Variants in MFSD6 observed in about 807,000 individuals in gnomAD.
MFSD6 encodes the protein major facilitator superfamily domain-containing protein 6.
A neutral mutation model predicts 56.3 loss-of-function variants in MFSD6; 26 were observed. The observed-to-expected ratio is 0.46, with a 90% confidence interval of 0.34 to 0.64. The LOEUF (loss-of-function observed/expected upper bound fraction) is 0.64, where lower values mean the gene tolerates loss of function less well. Among genes scored for constraint, MFSD6 ranks in the 30% least tolerant of loss-of-function variants. The pLI, the probability that MFSD6 is intolerant of heterozygous loss-of-function variation, is 0.01. For synonymous variants in MFSD6, 331 were observed against 366.9 expected (o/e 0.90, Z 1.12); for missense variants, 750 against 986.2 (o/e 0.76, Z 3.21).
At chr2:190,476,429 T>C (rs1688317177) in intron 4 of MFSD6, among the ~76,000 whole-genome samples, 1 of 152,236 alleles carries the variant, frequency 6.6e-6, no homozygotes, top group South Asian at 2.1e-4. Flanking sequence ...AAGACATTTA[T>C]GCAGCCAACA....
rs1300531169 is a variant in MFSD6 at position 190,457,837 on chromosome 2, C to T, written c.1533-11921C>T. On this transcript the variant is annotated intron_variant, in intron 3 of 7. Coordinates refer to ENST00000392328, the MANE Select transcript of MFSD6 (RefSeq NM_017694.4). This position sits in a 1 kb window ranked among gnomAD's most constrained non-coding sequence, Gnocchi z 5.1. ...CCCTGGATGCCACCACCTTGGCCAG[C>T]GTGCAGCATATGCCCCGCCATGCTG... 6.6e-6 allele frequency among the ~76,000 whole-genome samples: 1 copy of T among 152,162 alleles called. No homozygotes were observed. Among genetic ancestry groups the T allele is most frequent in the East Asian group, 1.9e-4 (1 of 5,198 alleles).
chr2:190,498,506 A>G lies in MFSD6; in HGVS notation c.2172+787A>G, dbSNP rs1346045196. Among the ~76,000 whole-genome samples the G allele has an allele frequency of 6.6e-6, 1 of 152,190 alleles. No individual in the cohort carries two copies. The highest frequency in any genetic ancestry group is 2.4e-5 in the African/African-American group (1 of 41,434). On this transcript the variant is annotated intron_variant, in intron 7 of 7. Coordinates refer to ENST00000392328, the MANE Select transcript of MFSD6 (RefSeq NM_017694.4). This position sits in a 1 kb window ranked among gnomAD's most constrained non-coding sequence, Gnocchi z 5.9. ...AGAAAATTTGTTGAACTGTTAATTA[A>G]TCTCACTTTGTAAGCTAACATAAAA...
rs1687235346 is a variant in MFSD6, at chr2:190,459,930, T to C, written c.1533-9828T>C. ...ACTCTCTGACATACAATGTGATTCT[T>C]ATGCTCTGTTCTACAAGGATGGGTC... is the stretch of plus-strand genomic sequence containing the variant. On this transcript the variant is annotated intron_variant, in intron 3 of 7. Transcript: ENST00000392328. This position sits in a 1 kb window ranked among gnomAD's most constrained non-coding sequence, Gnocchi z 5.3. Among the ~76,000 whole-genome samples, 1 of 152,360 alleles carries C rather than the reference T, an allele frequency of 6.6e-6. No homozygotes were observed. Among genetic ancestry groups the C allele is most frequent in the Non-Finnish European group, 1.5e-5 (1 of 68,022 alleles).
chr2:190,472,692 A>G (rs191943771), intron 4 of MFSD6, among the ~76,000 whole-genome samples: 3,951 of 152,298 alleles, frequency 0.026, 91 homozygotes, highest in Non-Finnish European at 0.035. Flanking sequence ...AACTTCCCCA[A>G]TCTAGCAAGG....
Position 190,489,944 on chromosome 2 carries a change from A to G in MFSD6, c.1891+78A>G. 1 of 1,267,582 alleles carries G rather than the reference A, an allele frequency of 7.9e-7. No homozygotes were observed. Among genetic ancestry groups the G allele is most frequent in the Non-Finnish European group, 1.1e-6 (1 of 902,670 alleles). The allele number at this position is 1,267,582 out of a possible 1,614,324, so 78.5% of individuals were successfully genotyped here. On this transcript the variant is annotated intron_variant, in intron 6 of 7. Coordinates refer to ENST00000392328, the MANE Select transcript of MFSD6 (RefSeq NM_017694.4). The surrounding 1 kb of genome is among the most constrained non-coding windows in gnomAD (Gnocchi z 6.6). ...TCAACAAATGCCCCGAGAAGCCTAG[A>G]AGTGGTACAGAGTATACAACAGGTC...
In MFSD6 at chr2:190,497,318, T is replaced by G. The variant is rs1689755249; in HGVS notation, c.1892-121T>G. On this transcript the variant is annotated intron_variant, in intron 6 of 7. Coordinates refer to ENST00000392328, the MANE Select transcript of MFSD6 (RefSeq NM_017694.4). The surrounding 1 kb of genome is among the most constrained non-coding windows in gnomAD (Gnocchi z 5.2). ...AAGTCATTGGTAACCAGCAATTTAT[T>G]AATATTATCAAGCACTCTGGAATGG... 9.2e-7 allele frequency: 1 copy of G among 1,082,662 alleles called. No individual in the cohort carries two copies. Among genetic ancestry groups the G allele is most frequent in the Non-Finnish European group, 1.3e-6 (1 of 765,452 alleles). 67.1% of individuals were successfully genotyped at this position (1,082,662 alleles called of 1,614,324 possible).
rs1187162377 is a variant in MFSD6 at position 190,423,340 on chromosome 2, A to G, written c.-54+7927A>G. 3.3e-5 allele frequency among the ~76,000 whole-genome samples: 5 copies of G among 152,162 alleles called. No homozygotes were observed. Among genetic ancestry groups the G allele is most frequent in the Non-Finnish European group, 5.9e-5 (4 of 68,040 alleles). ...CAATCACCTGTCTATCTCTATTTCAATGATGTTGTCATTTCAAGAATGTTA... is the reference window on the plus strand; with the variant it reads ...CAATCACCTGTCTATCTCTATTTCAGTGATGTTGTCATTTCAAGAATGTTA... On this transcript the variant is annotated intron_variant, in intron 2 of 7. Coordinates refer to ENST00000392328, the MANE Select transcript of MFSD6 (RefSeq NM_017694.4). The surrounding 1 kb of genome is among the most constrained non-coding windows in gnomAD (Gnocchi z 4.3).
intron 3 of MFSD6, among the ~76,000 whole-genome samples, chr2:190,452,272 CACA>C (rs900004548): frequency 1.5e-4 from 23 of 151,954 alleles, no homozygotes; most frequent in African/African-American, 1.9e-4. Flanking sequence ...ACAACAATAA[CACA>C]ACAACAACAA....
At chr2:190,477,153 A>T in intron 4 of MFSD6, 1 of 586,306 alleles carries the variant, frequency 1.7e-6, no homozygotes, top group Non-Finnish European at 2.1e-6. Flanking sequence ...ATGTATACAT[A>T]TGTAACAAAC....
chr2:190,417,992 GTGTGTGTGTA>G lies in MFSD6; in HGVS notation c.-54+2584_-54+2593del, dbSNP rs926405267. Among the ~76,000 whole-genome samples, 4 of 140,916 alleles carry G rather than the reference GTGTGTGTGTA, an allele frequency of 2.8e-5. No homozygotes were observed. The highest frequency in any genetic ancestry group is 5.3e-5 in the African/African-American group (2 of 38,094). The allele number at this position is 140,916 out of a possible 152,430, so 92.4% of individuals were successfully genotyped here. ...TGTGTGTGTGTGTGTGTGTGTGTGT[GTGTGTGTGTA>G]TGTGAGAGAGAGAGAGATGTGGTTT... On this transcript the variant is annotated intron_variant, in intron 2 of 7. Transcript: ENST00000392328. This position sits in a 1 kb window ranked among gnomAD's most constrained non-coding sequence, Gnocchi z 5.7.
intron 4 of MFSD6, among the ~76,000 whole-genome samples, chr2:190,480,418 T>C (rs1233397879): frequency 6.6e-6 from 1 of 152,220 alleles, no homozygotes; most frequent in Non-Finnish European, 1.5e-5. Flanking sequence ...TTTTGAATGA[T>C]ATAAGAAATT....
intron 4 of MFSD6, among the ~76,000 whole-genome samples, chr2:190,479,904 TA>T (rs1417924544): frequency 2.6e-5 from 4 of 152,214 alleles, no homozygotes; most frequent in Non-Finnish European, 4.4e-5. Flanking sequence ...CTGACATTTA[TA>T]AAGCGTTATT....
At chr2:190,466,898 C>T (rs1687635317) in intron 3 of MFSD6, among the ~76,000 whole-genome samples, 1 of 152,158 alleles carries the variant, frequency 6.6e-6, no homozygotes, top group Non-Finnish European at 1.5e-5. Context: ...ACCGGTCACT[C>T]CAGTGACTGA....
chr2:190,461,812 AG>A lies in MFSD6; in HGVS notation c.1533-7945del, dbSNP rs1396376061. On this transcript the variant is annotated intron_variant, in intron 3 of 7. Transcript: ENST00000392328. This position sits in a 1 kb window ranked among gnomAD's most constrained non-coding sequence, Gnocchi z 5.5. ...GAGGGTATACAGACATTTAAACTGT[AG>A]TATCTACAATCTATGATTTCTACCA... Among the ~76,000 whole-genome samples, 13 of 152,232 alleles carry A rather than the reference AG, an allele frequency of 8.5e-5. No individual in the cohort carries two copies. The highest frequency in any genetic ancestry group is 1.5e-5 in the Non-Finnish European group (1 of 68,038).
Position 190,447,142 on chromosome 2 carries a change from C to T in MFSD6, c.1532+9581C>T, listed in dbSNP as rs117680006. ...GACACACAAAATATAAAAATATTAG[C>T]GCACTCAAGGTGTCTGACATGGAAT... is the stretch of plus-strand genomic sequence containing the variant. On this transcript the variant is annotated intron_variant, in intron 3 of 7. Coordinates refer to ENST00000392328, the MANE Select transcript of MFSD6 (RefSeq NM_017694.4). This position sits in a 1 kb window ranked among gnomAD's most constrained non-coding sequence, Gnocchi z 4.5. 2.5e-3 allele frequency among the ~76,000 whole-genome samples: 379 copies of T among 152,004 alleles called. 3 individuals carry two copies. The highest frequency in any genetic ancestry group is 0.019 in the Admixed American group (285 of 15,264).
intron 3 of MFSD6, among the ~76,000 whole-genome samples, chr2:190,449,247 G>T (rs1574127476): frequency 6.6e-6 from 1 of 152,192 alleles, no homozygotes; most frequent in South Asian, 2.1e-4. Flanking sequence ...GCTGAGGCAG[G>T]TGGATCACCT....
Position 190,471,464 on chromosome 2 carries a change from G to T in MFSD6, c.1630+1609G>T, listed in dbSNP as rs1027387292. 5.9e-5 allele frequency among the ~76,000 whole-genome samples: 9 copies of T among 152,222 alleles called. No homozygotes were observed. Among genetic ancestry groups the T allele is most frequent in the African/African-American group, 1.4e-4 (6 of 41,462 alleles). On this transcript the variant is annotated intron_variant, in intron 4 of 7. Transcript: ENST00000392328. This position sits in a 1 kb window ranked among gnomAD's most constrained non-coding sequence, Gnocchi z 4.7. ...TTATATCCCGCACCTGGCTTGGAGG[G>T]TCCTACGCCCACGGAGCCTCCCTCA...
intron 4 of MFSD6, among the ~76,000 whole-genome samples, chr2:190,472,135 G>A (rs1687978812): frequency 6.6e-6 from 1 of 152,078 alleles, no homozygotes; most frequent in Non-Finnish European, 1.5e-5. Flanking sequence ...CCACAAAGAT[G>A]GGGAAAAAAC....
In MFSD6 at chr2:190,489,752, CTGTT is replaced by C. The variant is rs1689224936; in HGVS notation, c.1793-10_1793-7del. 3 of 1,608,594 alleles carry C rather than the reference CTGTT, an allele frequency of 1.9e-6. No homozygotes were observed. Among genetic ancestry groups the C allele is most frequent in the East Asian group, 2.2e-5 (1 of 44,872 alleles). On this transcript the variant is annotated splice_polypyrimidine_tract_variant and intron_variant, in intron 5 of 7. Transcript: ENST00000392328. The surrounding 1 kb of genome is among the most constrained non-coding windows in gnomAD (Gnocchi z 6.6). ...TTTCTTGGAATTACTCTATAGAGTG[CTGTT>C]TGTTTTTATAGGGGCTGCTGCAACC...
Sources: allele counts gnomAD v4.1 joint callset (sites outside exome capture counted in the v4.1 genomes callset), GRCh38; gene constraint gnomAD v4.1.1; non-coding constraint Gnocchi (gnomAD v3.1); transcripts MANE v1.5; gene names NCBI Gene and HGNC (gene_info 2026-07-23, HGNC 2026-07-21).